SOCS6: variants seen among roughly 807,000 people sequenced by gnomAD.
SOCS6 encodes the protein STAT induced STAT inhibitor-4.
In SOCS6, 5 loss-of-function variants were observed where a neutral mutation model predicts 27.7. That is an observed-to-expected ratio of 0.18 (90% confidence interval 0.09 to 0.38). The LOEUF (loss-of-function observed/expected upper bound fraction) is 0.38, where lower values mean the gene tolerates loss of function less well. Among genes scored for constraint, SOCS6 ranks in the 10% least tolerant of loss-of-function variants. The probability of loss-of-function intolerance (pLI) is 1.00; values close to 1 mark genes in which losing one functional copy is unlikely to be tolerated. For missense variants in SOCS6, 595 were observed against 688.1 expected, an observed-to-expected ratio of 0.86 and a Z score of 1.51; for synonymous variants, 271 against 260.0, an observed-to-expected ratio of 1.04 and a Z score of -0.41.
At chr18:70,317,886 A>G (rs9952376) in intron 1 of SOCS6, among the ~76,000 whole-genome samples, 10,703 of 152,180 alleles carry the variant, frequency 0.07, 1,208 homozygotes, top group African/African-American at 0.24. Context: ...ACACTCGGTC[A>G]CCCAGGTTGG....
rs779743178 is a variant in SOCS6 at position 70,325,378 on chromosome 18, C to T, written c.710C>T (p.Ser237Leu). The change falls in exon 2 of 2, where the codon TCA becomes TTA. Residue 237 changes from serine (S) to leucine (L), a missense_variant. Transcript: ENST00000397942. This position sits in a 1 kb window ranked among gnomAD's most constrained non-coding sequence, Gnocchi z 6.3. ...LDEGMYPLEGSRSYCLDSSSP... is the reference protein window; with the variant it reads ...LDEGMYPLEGLRSYCLDSSSP... Reference sequence around the variant, plus strand: ...GAGGGGATGTATCCTTTGGAAGGATCACGGAGCTATTGTCTGGACAGCTCT... The same window carrying T: ...GAGGGGATGTATCCTTTGGAAGGATTACGGAGCTATTGTCTGGACAGCTCT... 64 of 1,614,060 alleles carry T rather than the reference C, an allele frequency of 4.0e-5. No individual in the cohort carries two copies. Among genetic ancestry groups the T allele is most frequent in the Non-Finnish European group, 6.8e-6 (8 of 1,180,024 alleles).
chr18:70,315,421 G>A (rs2062407611), intron 1 of SOCS6, among the ~76,000 whole-genome samples: 1 of 152,014 alleles, frequency 6.6e-6, no homozygotes, highest in Admixed American at 6.6e-5. Flanking sequence ...TATATATTTT[G>A]CTATAAAATT....
intron 1 of SOCS6, among the ~76,000 whole-genome samples, chr18:70,289,613 C>T (rs1018150075): frequency 1.4e-5 from 2 of 147,646 alleles, no homozygotes; most frequent in Admixed American, 6.7e-5. Context: ...GGCTCGGGGT[C>T]GGGGCGCGGC....
In SOCS6 at chr18:70,297,415, G is replaced by A. The variant is rs1338805901; in HGVS notation, c.-127+8325G>A. On this transcript the variant is annotated intron_variant, in intron 1 of 1. Coordinates refer to ENST00000397942, the MANE Select transcript of SOCS6 (RefSeq NM_004232.4). ...AGCATCAGTGAATATTAAACCCTTC[G>A]TTTTTGGGAAAACCAGATCTATTTT... is the stretch of plus-strand genomic sequence containing the variant. Among the ~76,000 whole-genome samples, 5 of 151,486 alleles carry A rather than the reference G, an allele frequency of 3.3e-5. 1 individual carries two copies. The South Asian group carries it at 8.3e-4, about 25-fold the overall frequency.
intron 1 of SOCS6, among the ~76,000 whole-genome samples, chr18:70,311,433 C>T (rs2062390469): frequency 2.0e-5 from 3 of 152,110 alleles, no homozygotes; most frequent in Admixed American, 2.0e-4. Flanking sequence ...GCATCACGGA[C>T]CTGCTTTTCA....
chr18:70,326,592 G>A lies in SOCS6; in HGVS notation c.*316G>A, dbSNP rs1600172578. 1 of 275,252 alleles carries A rather than the reference G, an allele frequency of 3.6e-6. No homozygotes were observed. The highest frequency in any genetic ancestry group is 8.3e-5 in the East Asian group (1 of 12,026). 17.1% of individuals were successfully genotyped at this position (275,252 alleles called of 1,614,324 possible). ...GCCCAGTCCTTTGCTGCTATCCACT[G>A]TGATTTTTATGCATTAAAAGCACAT... On this transcript the variant is annotated 3_prime_UTR_variant, in exon 2 of 2. Transcript: ENST00000397942.
chr18:70,329,026 T>C lies in SOCS6; in HGVS notation c.*2750T>C, dbSNP rs1911316229. 1 of 167,116 alleles carries C rather than the reference T, an allele frequency of 6.0e-6. No homozygotes were observed. Among genetic ancestry groups the C allele is most frequent in the Non-Finnish European group, 1.5e-5 (1 of 68,116 alleles). 10.4% of individuals were successfully genotyped at this position (167,116 alleles called of 1,614,324 possible). On this transcript the variant is annotated 3_prime_UTR_variant, in exon 2 of 2. Transcript: ENST00000397942. Reference sequence around the variant, plus strand: ...GGAAAGCTGTATCCATTTGCCATAATAGATGAATCAGAATTGTTTTCTATT... The same window carrying C: ...GGAAAGCTGTATCCATTTGCCATAACAGATGAATCAGAATTGTTTTCTATT...
intron 1 of SOCS6, among the ~76,000 whole-genome samples, chr18:70,305,750 A>T (rs2062366587): frequency 6.6e-6 from 1 of 152,142 alleles, no homozygotes; most frequent in Non-Finnish European, 1.5e-5. Flanking sequence ...TGTAGTTTTG[A>T]CTGTATGAAT....
intron 1 of SOCS6, among the ~76,000 whole-genome samples, chr18:70,304,481 C>T (rs73965329): frequency 1.8e-4 from 28 of 152,120 alleles, no homozygotes; most frequent in African/African-American, 6.8e-4. Flanking sequence ...ATGATATTGT[C>T]ATGATAGTGG....
At chr18:70,314,415 A>G (rs1246326380) in intron 1 of SOCS6, among the ~76,000 whole-genome samples, 5 of 152,256 alleles carry the variant, frequency 3.3e-5, no homozygotes, top group African/African-American at 2.4e-5. Flanking sequence ...ATGTGGTCCT[A>G]TAGGATTATA....
intron 1 of SOCS6, among the ~76,000 whole-genome samples, chr18:70,296,906 C>CTTTTTTTTTTTT (rs375704179): frequency 4.6e-5 from 6 of 129,158 alleles, no homozygotes; most frequent in East Asian, 2.2e-4. Context: ...CATTTTCTTT[C>CTTTTTTTTTTTT]TTTTTTTTTT....
intron 1 of SOCS6, among the ~76,000 whole-genome samples, chr18:70,304,362 G>T (rs761734599): frequency 4.6e-5 from 7 of 150,958 alleles, no homozygotes; most frequent in Non-Finnish European, 8.9e-5. Context: ...TTCAATCATC[G>T]CTTTCCTGCA....
intron 1 of SOCS6, among the ~76,000 whole-genome samples, chr18:70,306,477 C>CAAAAAAA (rs55702216): frequency 1.1e-4 from 10 of 92,704 alleles, no homozygotes; most frequent in African/African-American, 1.3e-4. Flanking sequence ...GACTCCATCT[C>CAAAAAAA]AAAAAAAAAA....
At position 70,324,620 on chromosome 18, in the gene SOCS6, A is replaced by C. The variant is rs1264506434; in HGVS notation, c.-49A>C. ...GCAGCCTCTCCAGATGTTTGGGGAT[A>C]ATATTCCAGATAGAAATATTGATCC... On this transcript the variant is annotated 5_prime_UTR_variant, in exon 2 of 2. Transcript: ENST00000397942. 1.6e-6 allele frequency: 2 copies of C among 1,273,348 alleles called. No homozygotes were observed. Among genetic ancestry groups the C allele is most frequent in the East Asian group, 2.3e-5 (1 of 43,206 alleles). The allele number at this position is 1,273,348 out of a possible 1,614,324, so 78.9% of individuals were successfully genotyped here. A position where few individuals can be genotyped will look rare whatever the true frequency, so the allele number is the denominator to read the frequency against.
rs2231562 is a variant in SOCS6, at chr18:70,325,043, G to A, written c.375G>A (p.Thr125=). The change falls in exon 2 of 2, where the codon ACG becomes ACA. Residue 125 remains threonine (T), a synonymous_variant. Transcript: ENST00000397942. The surrounding 1 kb of genome is among the most constrained non-coding windows in gnomAD (Gnocchi z 6.3). ...DVRAQRPIRS[T]SLRSHHYSPA... ...GAGCTCAGAGGCCGATAAGGTCCAC[G>A]TCGCTCCGCAGCCATCACTACAGTC... The A allele has an allele frequency of 0.14, 228,323 of 1,614,022 alleles. 17,163 individuals carry two copies. The highest frequency in any genetic ancestry group is 0.21 in the Middle Eastern group (1,254 of 6,060).
In SOCS6 at chr18:70,326,935, C is replaced by G. The variant is rs1911231930; in HGVS notation, c.*659C>G. On this transcript the variant is annotated 3_prime_UTR_variant, in exon 2 of 2. Transcript: ENST00000397942. ...GTGAAAAGTTGAATTTTTCTGTTGC[C>G]TTCGTTTTCATCTTCTAGTTTGTCT... 1.8e-5 allele frequency: 3 copies of G among 166,796 alleles called. 1 individual carries two copies. In the South Asian group the frequency reaches 6.2e-4, roughly 35 times the overall value. The allele number at this position is 166,796 out of a possible 1,614,324, so 10.3% of individuals were successfully genotyped here. A position where few individuals can be genotyped will look rare whatever the true frequency, so the allele number is the denominator to read the frequency against.
chr18:70,294,089 TAA>T (rs78322157), intron 1 of SOCS6, among the ~76,000 whole-genome samples: 33 of 137,174 alleles, frequency 2.4e-4, no homozygotes, highest in Non-Finnish European at 3.2e-4. Flanking sequence ...AGACTCCGTT[TAA>T]AAAAAAAAAA....
intron 1 of SOCS6, among the ~76,000 whole-genome samples, chr18:70,313,005 C>T (rs2062396736): frequency 1.3e-5 from 2 of 152,118 alleles, no homozygotes; most frequent in African/African-American, 4.8e-5. Flanking sequence ...TGGTCTCGAA[C>T]TCTTGACCTC....
chr18:70,321,120 C>T (rs1369548928), intron 1 of SOCS6, among the ~76,000 whole-genome samples: 1 of 151,528 alleles, frequency 6.6e-6, no homozygotes, highest in African/African-American at 2.4e-5. Flanking sequence ...AAAAAGTAGA[C>T]AAAATTAGCC....
Sources: gnomAD v4.1 joint callset for allele counts (sites outside exome capture counted in the v4.1 genomes callset) on GRCh38, gnomAD v4.1.1 for gene constraint, Gnocchi (gnomAD v3.1) non-coding constraint, MANE v1.5 for transcripts, NCBI Gene and HGNC (gene_info 2026-07-23, HGNC 2026-07-21) for gene names.